The following CD8A variants were observed in gnomAD, a reference collection of about 807,000 sequenced individuals.
CD8A encodes CD8 subunit alpha, also known as T-cell surface glycoprotein CD8 alpha chain.
Under a neutral mutation model 24.2 loss-of-function variants are expected in CD8A, and 25 were observed. That is an observed-to-expected ratio of 1.03 (90% confidence interval 0.75 to 1.44). The LOEUF (loss-of-function observed/expected upper bound fraction) is 1.44, where lower values mean the gene tolerates loss of function less well. Ranked by LOEUF, CD8A falls within the 40% of genes most tolerant of loss-of-function variation. CD8A has a pLI of 0.00. For missense variants in CD8A, 360 were observed against 319.7 expected (o/e 1.13, Z -0.96); for synonymous variants, 165 against 149.9 (o/e 1.10, Z -0.74).
rs3020729 is a variant in CD8A, at chr2:86,785,170, A to G, written c.*750T>C. 0.18 allele frequency: 79,669 copies of G among 453,814 alleles called. 7,612 individuals carry two copies. The highest frequency in any genetic ancestry group is 0.25 in the African/African-American group (12,480 of 50,002). 28.1% of individuals were successfully genotyped at this position (453,814 alleles called of 1,614,324 possible). A position where few individuals can be genotyped will look rare whatever the true frequency, so the allele number is the denominator to read the frequency against. Reference sequence around the variant, plus strand: ...GCTGGGAGAGCAATTCCGCCTCCACATAGGGGTTTCACAGAGATTTTCTTT... The same window carrying G: ...GCTGGGAGAGCAATTCCGCCTCCACGTAGGGGTTTCACAGAGATTTTCTTT... On this transcript the variant is annotated 3_prime_UTR_variant, in exon 6 of 6. Transcript: ENST00000283635.
intron 3 of CD8A, 51 bp from the exon 4 acceptor site, chr2:86,789,484 A>G (rs773137888): frequency 2.8e-6 from 4 of 1,445,066 alleles, no homozygotes; most frequent in South Asian, 2.3e-5. Context: ...GGACCTCCCA[A>G]CCGCCCCACC....
upstream of CD8A, chr2:86,790,936 C>T: frequency 3.8e-6 from 4 of 1,040,828 alleles, no homozygotes; most frequent in East Asian, 5.2e-5. Flanking sequence ...CGGCCCGGAG[C>T]CTGATTTCGC....
intron 2 of CD8A, among the ~76,000 whole-genome samples, chr2:86,805,485 T>C (rs1573472605): frequency 6.6e-6 from 1 of 152,216 alleles, no homozygotes; most frequent in Non-Finnish European, 1.5e-5. Flanking sequence ...AGCTTTGTTA[T>C]TTCTGGTTTT....
rs770712482 is a variant in CD8A, at chr2:86,784,899, G to A, written c.*1021C>T. The A allele has an allele frequency of 7.3e-5, 33 of 453,976 alleles. No homozygotes were observed. Among genetic ancestry groups the A allele is most frequent in the Non-Finnish European group, 1.2e-4 (27 of 226,790 alleles). The allele number at this position is 453,976 out of a possible 1,614,324, so 28.1% of individuals were successfully genotyped here. On this transcript the variant is annotated 3_prime_UTR_variant, in exon 6 of 6. Coordinates refer to ENST00000283635, the MANE Select transcript of CD8A (RefSeq NM_001768.7). ...TTTGGGACAGCAGTTTGGGCTCTCA[G>A]CCTCCTTAAGAGAGTCAGGTCTGCC...
chr2:86,787,036 A>AAAAAG (rs1558733537), intron 5 of CD8A, among the ~76,000 whole-genome samples: 8 of 141,156 alleles, frequency 5.7e-5, no homozygotes, highest in Non-Finnish European at 9.2e-5. Context: ...AAAAAAAAAA[A>AAAAAG]AAAAGAAAAG....
rs1450761809 is a variant in CD8A at position 86,785,914 on chromosome 2, A to G, written c.*6T>C. 1.9e-6 allele frequency: 3 copies of G among 1,608,516 alleles called. No homozygotes were observed. The highest frequency in any genetic ancestry group is 2.6e-6 in the Non-Finnish European group (3 of 1,174,916). Reference sequence around the variant, plus strand: ...TTTGAAGTAATGTAGTGGCTGTTGCACAGGGTTAGACGTATCTCGCCGAAA... The same window carrying G: ...TTTGAAGTAATGTAGTGGCTGTTGCGCAGGGTTAGACGTATCTCGCCGAAA... On this transcript the variant is annotated 3_prime_UTR_variant, in exon 6 of 6. Coordinates refer to ENST00000283635, the MANE Select transcript of CD8A (RefSeq NM_001768.7).
At chr2:86,786,554 G>A (rs1243085804) in intron 5 of CD8A, among the ~76,000 whole-genome samples, 3 of 152,204 alleles carry the variant, frequency 2.0e-5, no homozygotes, top group Admixed American at 6.5e-5. Context: ...TCATCACTGA[G>A]TATATTAACT....
Position 86,790,320 on chromosome 2 carries a change from G to A in CD8A, c.403+8C>T. ...ACGCGGAGAGGTGCCGCAACCCGGC[G>A]CGCGGACCTGGCAGGAAGACCGGCA... On this transcript the variant is annotated splice_region_variant and intron_variant, in intron 2 of 5. Transcript: ENST00000283635. 6.2e-7 allele frequency: 1 copy of A among 1,606,358 alleles called. No individual in the cohort carries two copies. Among genetic ancestry groups the A allele is most frequent in the African/African-American group, 1.3e-5 (1 of 74,918 alleles).
At position 86,790,458 on chromosome 2, in the gene CD8A, G is replaced by A. The variant is rs770166408; in HGVS notation, c.273C>T (p.Gly91=). 2.5e-6 allele frequency: 4 copies of A among 1,614,156 alleles called. No individual in the cohort carries two copies. Among genetic ancestry groups the A allele is most frequent in the African/African-American group, 1.3e-5 (1 of 75,068 alleles). ...GGACGAAGGTGTCCCCCAACCTCTT[G>A]CCCGAGAACCGCTGGGTGTCCAGCC... The part of the protein sequence containing the change: ...AEGLDTQRFS[G]KRLGDTFVLT... Residue 91 remains glycine, a synonymous_variant, in exon 2 of 6, where the codon GGC becomes GGT. Coordinates refer to ENST00000283635, the MANE Select transcript of CD8A (RefSeq NM_001768.7).
At chr2:86,807,151 T>TA (rs1429287390) in intron 2 of CD8A, among the ~76,000 whole-genome samples, 19 of 149,766 alleles carry the variant, frequency 1.3e-4, no homozygotes, top group African/African-American at 4.7e-4. Context: ...TCTCAAAAAA[T>TA]AAAATAAAAT....
chr2:86,801,339 T>C (rs1305350845), intron 3 of CD8A, among the ~76,000 whole-genome samples: 1 of 151,656 alleles, frequency 6.6e-6, no homozygotes, highest in Admixed American at 6.6e-5. Context: ...TCTCTCTTTT[T>C]CCCTTTCTCC....
At chr2:86,788,162 C>G (rs1041823312) in intron 5 of CD8A, among the ~76,000 whole-genome samples, 3 of 148,276 alleles carry the variant, frequency 2.0e-5, no homozygotes, top group Non-Finnish European at 4.5e-5. Flanking sequence ...CTTAAGAAAA[C>G]AACAAAACCC....
chr2:86,789,849 CG>C, intron 2 of CD8A, 99 bp from the exon 3 acceptor site: 1 of 685,640 alleles, frequency 1.5e-6, no homozygotes, highest in South Asian at 3.6e-5. Flanking sequence ...CGCCTCCCCC[CG>C]GTTTTCCTGG....
chr2:86,795,207 C>A (rs1673442648), upstream of CD8A, among the ~76,000 whole-genome samples: 1 of 152,218 alleles, frequency 6.6e-6, no homozygotes, highest in South Asian at 2.1e-4. Flanking sequence ...TTGGCACACA[C>A]TTGAGTGGCA....
chr2:86,798,169 GCTTT>G (rs1332886044), intron 3 of CD8A, among the ~76,000 whole-genome samples: 4 of 151,632 alleles, frequency 2.6e-5, no homozygotes, highest in Admixed American at 1.3e-4. Context: ...AAGGAACAGA[GCTTT>G]CTTTCTTTTT....
intron 3 of CD8A, among the ~76,000 whole-genome samples, chr2:86,799,705 A>G (rs1015426929): frequency 7.2e-5 from 11 of 151,940 alleles, no homozygotes; most frequent in African/African-American, 2.2e-4. Context: ...CCAGTGAGCC[A>G]AGATCACACC....
At chr2:86,798,265 T>A (rs1673547022) in intron 3 of CD8A, among the ~76,000 whole-genome samples, 1 of 151,662 alleles carries the variant, frequency 6.6e-6, no homozygotes, top group Non-Finnish European at 1.5e-5. Context: ...AACCTCCACC[T>A]CCCAGGTTCA....
Position 86,784,687 on chromosome 2 carries a change from T to G in CD8A, c.*1233A>C, listed in dbSNP as rs564220804. On this transcript the variant is annotated 3_prime_UTR_variant, in exon 6 of 6. Coordinates refer to ENST00000283635, the MANE Select transcript of CD8A (RefSeq NM_001768.7). ...TCATAACAGCATAGTACAACCCTATTTAAAAAAGAAAGACATATTTTACAT... is the reference window on the plus strand; with the variant it reads ...TCATAACAGCATAGTACAACCCTATGTAAAAAAGAAAGACATATTTTACAT... 41 of 448,720 alleles carry G rather than the reference T, an allele frequency of 9.1e-5. No homozygotes were observed. The highest frequency in any genetic ancestry group is 7.2e-4 in the African/African-American group (36 of 49,866). The allele number at this position is 448,720 out of a possible 1,614,324, so 27.8% of individuals were successfully genotyped here.
Position 86,785,899 on chromosome 2 carries a change from T to C in CD8A, c.*21A>G, listed in dbSNP as rs749910241. ...AAGGAAGGATCTCAGTTTGAAGTAA[T>C]GTAGTGGCTGTTGCACAGGGTTAGA... is the stretch of plus-strand genomic sequence containing the variant. On this transcript the variant is annotated 3_prime_UTR_variant, in exon 6 of 6. Transcript: ENST00000283635. 6.3e-7 allele frequency: 1 copy of C among 1,582,452 alleles called. No individual in the cohort carries two copies. The highest frequency in any genetic ancestry group is 1.1e-5 in the South Asian group (1 of 90,450).
Sources: gnomAD v4.1 joint callset for allele counts (sites outside exome capture counted in the v4.1 genomes callset) on GRCh38, gnomAD v4.1.1 for gene constraint, MANE v1.5 for transcripts, NCBI Gene and HGNC (gene_info 2026-07-23, HGNC 2026-07-21) for gene names.